The following CPAP variants were observed in gnomAD, a reference collection of about 807,000 sequenced individuals.
CPAP encodes centrosomal P4.1-associated protein.
chr13:24,921,815 TCTC>T, the CPAP span, among the ~76,000 whole-genome samples: 2 of 152,100 alleles, frequency 1.3e-5, no homozygotes, highest in Non-Finnish European at 2.9e-5. Context: ...GACTTTTGCA[TCTC>T]CTCCTCCAAC....
the CPAP span, chr13:24,911,796 T>C: frequency 1.1e-6 from 1 of 937,664 alleles, no homozygotes; most frequent in Non-Finnish European, 1.7e-6. Flanking sequence ...TCCAGTTGTA[T>C]TACAACTCTA....
the CPAP span, chr13:24,883,337 C>A: frequency 6.2e-7 from 1 of 1,613,228 alleles, no homozygotes; most frequent in Non-Finnish European, 8.5e-7. Flanking sequence ...TTCTCTTTGG[C>A]CATTATTAAA....
the CPAP span, chr13:24,899,330 T>G: frequency 1.0e-6 from 1 of 972,808 alleles, no homozygotes; most frequent in Non-Finnish European, 1.6e-6. Flanking sequence ...ATACACAGTT[T>G]TGCTTTGACA....
chr13:24,891,848 C>A, the CPAP span, among the ~76,000 whole-genome samples: 1 of 152,234 alleles, frequency 6.6e-6, no homozygotes, highest in East Asian at 1.9e-4. Context: ...TGGCCCACCG[C>A]TCCTCGCCCA....
the CPAP span, among the ~76,000 whole-genome samples, chr13:24,933,940 G>A: frequency 2.0e-5 from 3 of 151,330 alleles, no homozygotes; most frequent in African/African-American, 7.3e-5. Context: ...TGGCCAGGCT[G>A]GTCTTAAACT....
At chr13:24,901,874 C>A in the CPAP span, among the ~76,000 whole-genome samples, 2 of 152,142 alleles carry the variant, frequency 1.3e-5, no homozygotes, top group Non-Finnish European at 2.9e-5. Context: ...TGCCTGTAGT[C>A]CCCGCTACGC....
chr13:24,897,918 C>T, the CPAP span, among the ~76,000 whole-genome samples: 15 of 152,124 alleles, frequency 9.9e-5, no homozygotes, highest in African/African-American at 3.4e-4. Context: ...GCCCCGTGGA[C>T]GGAGTCTCAC....
the CPAP span, among the ~76,000 whole-genome samples, chr13:24,904,772 TATTTTA>T: frequency 6.6e-6 from 1 of 152,080 alleles, no homozygotes; most frequent in African/African-American, 2.4e-5. Context: ...TTATAATTTC[TATTTTA>T]ATTTCTATTT....
At chr13:24,917,822 T>C in the CPAP span, among the ~76,000 whole-genome samples, 3 of 152,208 alleles carry the variant, frequency 2.0e-5, no homozygotes, top group East Asian at 3.8e-4. Flanking sequence ...GCAAGTGTTG[T>C]CCCATGGGGG....
At chr13:24,913,043 A>G in the CPAP span, 2 of 1,607,064 alleles carry the variant, frequency 1.2e-6, no homozygotes, top group South Asian at 1.1e-5. Context: ...CAATGACACT[A>G]TTATATTTAA....
At chr13:24,923,832 T>C in the CPAP span, among the ~76,000 whole-genome samples, 1 of 152,174 alleles carries the variant, frequency 6.6e-6, no homozygotes, top group Admixed American at 6.6e-5. Context: ...TTTCTTTTTT[T>C]AATTTTTATT....
the CPAP span, among the ~76,000 whole-genome samples, chr13:24,884,864 A>G: frequency 6.6e-6 from 1 of 152,210 alleles, no homozygotes; most frequent in Non-Finnish European, 1.5e-5. Context: ...TGAGGAAAAA[A>G]TTCCCTCATC....
chr13:24,913,114 AAAT>A, the CPAP span: 1 of 1,158,040 alleles, frequency 8.6e-7, no homozygotes, highest in Non-Finnish European at 1.3e-6. Context: ...ATAGCCAACA[AAAT>A]GTATTAGGTA....
the CPAP span, among the ~76,000 whole-genome samples, chr13:24,929,901 ATTTTTTTTT>A: frequency 5.9e-5 from 6 of 100,930 alleles, no homozygotes; most frequent in African/African-American, 8.0e-5. Flanking sequence ...TCACTTGTGA[ATTTTTTTTT>A]TTTTTTTTTT....
At chr13:24,891,904 C>T in the CPAP span, among the ~76,000 whole-genome samples, 1 of 152,204 alleles carries the variant, frequency 6.6e-6, no homozygotes, top group Non-Finnish European at 1.5e-5. Context: ...GCTGCTGCAG[C>T]CTGGGGCTCC....
chr13:24,901,211 C>A, the CPAP span, among the ~76,000 whole-genome samples: 2 of 152,144 alleles, frequency 1.3e-5, no homozygotes, highest in South Asian at 4.1e-4. Flanking sequence ...AAAGCAAACA[C>A]TGGGGGAGGA....
the CPAP span, among the ~76,000 whole-genome samples, chr13:24,893,126 A>G: frequency 6.6e-6 from 1 of 152,230 alleles, no homozygotes; most frequent in Admixed American, 6.5e-5. Context: ...CTGACAGCAG[A>G]AAACTGCCAA....
chr13:24,928,479 G>GCA, the CPAP span, among the ~76,000 whole-genome samples: 9 of 152,206 alleles, frequency 5.9e-5, no homozygotes, highest in Admixed American at 1.3e-4. Flanking sequence ...TGCCCAGGCT[G>GCA]GTGTCCAGTG....
chr13:24,925,617 T>A, the CPAP span, among the ~76,000 whole-genome samples: 2 of 151,500 alleles, frequency 1.3e-5, no homozygotes, highest in Admixed American at 1.3e-4. Context: ...AGAAAAAAAG[T>A]GGGGGAGGAC....
Sources: gnomAD v4.1 joint callset for allele counts (sites outside exome capture counted in the v4.1 genomes callset) on GRCh38, gnomAD v4.1.1 for gene constraint, MANE v1.5 for transcripts, NCBI Gene and HGNC (gene_info 2026-07-23, HGNC 2026-07-21) for gene names.